The following LRRC4C variants were observed in gnomAD, a reference collection of about 807,000 sequenced individuals.
LRRC4C encodes the protein leucine rich repeat containing 4C.
In LRRC4C, 5 loss-of-function variants were observed where a neutral mutation model predicts 33.6. The observed-to-expected ratio is 0.15, with a 90% CI of 0.08 to 0.31. The LOEUF is 0.31. Ranked by LOEUF, LRRC4C falls within the 10% of genes least tolerant of loss-of-function variation. LRRC4C has a pLI of 1.00. For synonymous variants in LRRC4C, 329 were observed against 302.0 expected (o/e 1.09, Z -0.93); for missense variants, 560 against 796.7 (o/e 0.70, Z 3.58).
chr11:40,567,332 A>AG (rs1957804703), intron 3 of LRRC4C, among the ~76,000 whole-genome samples: 1 of 152,172 alleles, frequency 6.6e-6, no homozygotes, highest in African/African-American at 2.4e-5. Context: ...GGCCAAGTAC[A>AG]GAAAAAAAAG....
chr11:40,479,935 C>T (rs1262697089), intron 3 of LRRC4C, among the ~76,000 whole-genome samples: 1 of 152,084 alleles, frequency 6.6e-6, no homozygotes, highest in African/African-American at 2.4e-5. Context: ...AAAAGATGAC[C>T]TCTATTATTC....
intron 5 of LRRC4C, among the ~76,000 whole-genome samples, chr11:40,176,466 A>G (rs945919132): frequency 3.9e-5 from 6 of 152,178 alleles, no homozygotes; most frequent in African/African-American, 1.4e-4. Flanking sequence ...GCCATGCATG[A>G]TATTAAAGCA....
At chr11:40,160,811 TC>T (rs1056105929) in intron 5 of LRRC4C, among the ~76,000 whole-genome samples, 21 of 152,218 alleles carry the variant, frequency 1.4e-4, no homozygotes, top group Admixed American at 1.3e-3. Flanking sequence ...TCACCTATTT[TC>T]CCTAACCATG....
chr11:40,434,782 A>T (rs1951079791), intron 3 of LRRC4C, among the ~76,000 whole-genome samples: 1 of 152,200 alleles, frequency 6.6e-6, no homozygotes, highest in Non-Finnish European at 1.5e-5. Context: ...TGACTAAAGT[A>T]TCATATTTGA....
chr11:41,150,615 C>G lies in LRRC4C; in HGVS notation c.-495-216892G>C, dbSNP rs563324067. On this transcript the variant is annotated intron_variant, in intron 1 of 6. Coordinates refer to ENST00000528697, the MANE Select transcript of LRRC4C (RefSeq NM_001258419.2). ...GACCAGCCTGGCCAATATGGTAAAA[C>G]CCCATCTCTACTAAAAATACAAAAA... 7.9e-5 allele frequency among the ~76,000 whole-genome samples: 12 copies of G among 152,022 alleles called. No homozygotes were observed. The South Asian group carries it at 2.5e-3, about 32-fold the overall frequency.
At chr11:40,349,021 A>G (rs10837385) in intron 3 of LRRC4C, among the ~76,000 whole-genome samples, 77,732 of 152,016 alleles carry the variant, frequency 0.51, 20,305 homozygotes, top group East Asian at 0.84. Context: ...CATAATAATC[A>G]TATCAGGGTA....
chr11:40,966,132 G>A (rs1377888936), intron 1 of LRRC4C, among the ~76,000 whole-genome samples: 1 of 151,928 alleles, frequency 6.6e-6, no homozygotes, highest in East Asian at 1.9e-4. Flanking sequence ...AGAAGTATTT[G>A]CGAGTAGAGA....
At chr11:40,703,862 GT>G (rs1326761844) in intron 2 of LRRC4C, among the ~76,000 whole-genome samples, 4 of 152,084 alleles carry the variant, frequency 2.6e-5, no homozygotes, top group Non-Finnish European at 5.9e-5. Context: ...CTATATCAAT[GT>G]TAACATTGTG....
chr11:41,186,428 G>A (rs932947248), intron 1 of LRRC4C, among the ~76,000 whole-genome samples: 1 of 151,944 alleles, frequency 6.6e-6, no homozygotes, highest in Non-Finnish European at 1.5e-5. Context: ...CTGTCTAAAA[G>A]TTAATATAAA....
intron 1 of LRRC4C, among the ~76,000 whole-genome samples, chr11:41,131,606 T>G (rs571458182): frequency 6.6e-6 from 1 of 152,178 alleles, no homozygotes; most frequent in South Asian, 2.1e-4. Context: ...GAATAGGTAC[T>G]AAGTAAAATA....
At chr11:40,178,020 A>G (rs1434390622) in intron 5 of LRRC4C, among the ~76,000 whole-genome samples, 1 of 152,226 alleles carries the variant, frequency 6.6e-6, no homozygotes, top group African/African-American at 2.4e-5. Flanking sequence ...AGTAGTTGTT[A>G]GAAATGAATG....
At chr11:40,420,307 G>A (rs918915089) in intron 3 of LRRC4C, among the ~76,000 whole-genome samples, 5 of 152,100 alleles carry the variant, frequency 3.3e-5, no homozygotes, top group African/African-American at 1.2e-4. Flanking sequence ...AGCATAGCAG[G>A]CCTGCCTCTG....
chr11:40,724,816 G>A (rs2136712744), intron 2 of LRRC4C, among the ~76,000 whole-genome samples: 1 of 152,242 alleles, frequency 6.6e-6, no homozygotes, highest in African/African-American at 2.4e-5. Flanking sequence ...AAGTTGGTTT[G>A]AGAGGATAAA....
chr11:41,388,395 T>C (rs1953447092), intron 1 of LRRC4C, among the ~76,000 whole-genome samples: 1 of 151,864 alleles, frequency 6.6e-6, no homozygotes, highest in Non-Finnish European at 1.5e-5. Context: ...AATAGTGTGT[T>C]CCCATTTAAA....
chr11:41,450,490 A>C (rs1489695006), intron 1 of LRRC4C, among the ~76,000 whole-genome samples: 1 of 152,168 alleles, frequency 6.6e-6, no homozygotes, highest in African/African-American at 2.4e-5. Flanking sequence ...GAGAGGAATA[A>C]AGGCACCAGG....
intron 5 of LRRC4C, among the ~76,000 whole-genome samples, chr11:40,238,714 A>C (rs568747597): frequency 3.3e-5 from 5 of 152,322 alleles, no homozygotes; most frequent in African/African-American, 1.2e-4. Context: ...CATCTAATGT[A>C]TAAAAGAGTT....
At chr11:40,965,245 T>A (rs1181144672) in intron 1 of LRRC4C, among the ~76,000 whole-genome samples, 1 of 152,274 alleles carries the variant, frequency 6.6e-6, no homozygotes, top group South Asian at 2.1e-4. Flanking sequence ...TTTGTTTGAG[T>A]TCATTGTAGA....
intron 1 of LRRC4C, among the ~76,000 whole-genome samples, chr11:41,042,094 A>G (rs553693338): frequency 6.6e-6 from 1 of 152,306 alleles, no homozygotes; most frequent in East Asian, 1.9e-4. Flanking sequence ...CAGTTATAAG[A>G]GTGTACTATT....
chr11:41,378,415 T>A (rs1218201429), intron 1 of LRRC4C, among the ~76,000 whole-genome samples: 2 of 152,280 alleles, frequency 1.3e-5, no homozygotes, highest in South Asian at 2.1e-4. Context: ...GGTATTGCAT[T>A]AATTTTGTGA....
Sources: allele counts gnomAD v4.1 joint callset (sites outside exome capture counted in the v4.1 genomes callset), GRCh38; gene constraint gnomAD v4.1.1; transcripts MANE v1.5; gene names NCBI Gene and HGNC (gene_info 2026-07-23, HGNC 2026-07-21).